The following NAMPT variants were observed in gnomAD, a reference collection of about 807,000 sequenced individuals.
NAMPT encodes nicotinamide phosphoribosyltransferase, also known as NAmPRTase.
Under a neutral mutation model 58.7 loss-of-function variants are expected in NAMPT, and 7 were observed. The ratio of observed to expected loss-of-function variants is 0.12; its 90% CI spans 0.07 to 0.22. The LOEUF (loss-of-function observed/expected upper bound fraction) is 0.22. NAMPT is among the 10% of genes least tolerant of loss of function. The pLI is 1.00. For missense variants in NAMPT, 271 were observed against 567.9 expected, an observed-to-expected ratio of 0.48 and a Z score of 5.31; for synonymous variants, 145 against 198.1, an observed-to-expected ratio of 0.73 and a Z score of 2.25.
chr7:106,256,968 C>G (rs183530600), intron 8 of NAMPT, among the ~76,000 whole-genome samples: 3 of 152,006 alleles, frequency 2.0e-5, no homozygotes, highest in South Asian at 2.1e-4. Context: ...CTGAGGTCAG[C>G]AGTTCGAGAC....
chr7:106,257,428 C>T (rs997124465), intron 8 of NAMPT, among the ~76,000 whole-genome samples: 1 of 143,966 alleles, frequency 6.9e-6, no homozygotes, highest in African/African-American at 2.6e-5. Flanking sequence ...GTTTCCCAGA[C>T]TGGGAAACAG....
Position 106,268,527 on chromosome 7 carries a change from A to T in NAMPT, c.680T>A (p.Ile227Asn). The change falls in exon 6 of 11, where the codon ATT (isoleucine) becomes AAT (asparagine). Residue 227 changes from isoleucine (I) to asparagine (N), a missense_variant. Ile to Asn is a moderately radical substitution (Grantham distance 149). This residue lies in a region of NAMPT where 143 missense variants were observed against 331.1 expected (regional missense o/e 0.43). Transcript: ENST00000222553. ...GTDTVAGLAL[I>N]KKYYGTKDPV... ...ATCTTTCGTTCCATAATATTTTTTA[A>T]TTAGAGCAAGTCCTGCTACTGTATC... 6.2e-7 allele frequency: 1 copy of T among 1,613,540 alleles called. No individual in the cohort carries two copies.
At chr7:106,275,991 T>G (rs1792630059) in intron 2 of NAMPT, 1 of 152,258 alleles carries the variant, frequency 6.6e-6, no homozygotes, top group South Asian at 2.1e-4. Flanking sequence ...ATTGCACCAC[T>G]GCACTCCAGC....
intron 3 of NAMPT, 101 bp downstream of exon 3, chr7:106,274,845 A>G (rs1792602966): frequency 1.3e-6 from 1 of 744,636 alleles, no homozygotes; most frequent in Admixed American, 2.5e-5. Flanking sequence ...ACAGAGTGAC[A>G]CTTTCTCTCA....
chr7:106,283,877 G>A (rs1486570213), intron 1 of NAMPT, among the ~76,000 whole-genome samples: 1 of 152,142 alleles, frequency 6.6e-6, no homozygotes, highest in Non-Finnish European at 1.5e-5. Flanking sequence ...AAAAACATGA[G>A]AGTACTATGT....
Position 106,261,303 on chromosome 7 carries a change from C to T in NAMPT, c.1089+285G>A, listed in dbSNP as rs1792296734. Among the ~76,000 whole-genome samples the T allele has an allele frequency of 2.0e-5, 3 of 152,088 alleles. No individual in the cohort carries two copies. In the South Asian group the frequency reaches 6.2e-4, roughly 32 times the overall value. On this transcript the variant is annotated intron_variant, in intron 8 of 10. Coordinates refer to ENST00000222553, the MANE Select transcript of NAMPT (RefSeq NM_005746.3). ...CAGAGTCAAGGCTTTGTTTTATATTCCAAGGAATATTTCTTGACTGACATT... is the reference window on the plus strand; with the variant it reads ...CAGAGTCAAGGCTTTGTTTTATATTTCAAGGAATATTTCTTGACTGACATT...
At chr7:106,262,966 C>A (rs1224136781) in intron 7 of NAMPT, among the ~76,000 whole-genome samples, 2 of 152,036 alleles carry the variant, frequency 1.3e-5, no homozygotes. Context: ...AGAACCTCCA[C>A]TTGAAGAGTA....
Position 106,263,104 on chromosome 7 carries a change from G to A in NAMPT, c.969+288C>T, listed in dbSNP as rs556892522. On this transcript the variant is annotated intron_variant, in intron 7 of 10. Transcript: ENST00000222553. ...AAATAAGTTTGGTGCCCAAATCATA[G>A]GATTAATTAAAATGGCAATGCTGTT... 2.1e-5 allele frequency: 8 copies of A among 381,774 alleles called. No individual in the cohort carries two copies. The South Asian group carries it at 3.2e-4, about 15-fold the overall frequency. The allele number at this position is 381,774 out of a possible 1,614,324, so 23.6% of individuals were successfully genotyped here. A position where few individuals can be genotyped will look rare whatever the true frequency, so the allele number is the denominator to read the frequency against.
In NAMPT at chr7:106,267,723, C is replaced by A. The variant is rs1792442012; in HGVS notation, c.743+741G>T. ...GGGCGTAGTGGCGGGCGCCTGTAGT[C>A]CCAGCTACTTGGGAGGCTGAGGCAG... On this transcript the variant is annotated intron_variant, in intron 6 of 10. Coordinates refer to ENST00000222553, the MANE Select transcript of NAMPT (RefSeq NM_005746.3). Among the ~76,000 whole-genome samples the A allele has an allele frequency of 2.0e-5, 3 of 148,518 alleles. No homozygotes were observed. In the South Asian group the frequency reaches 6.4e-4, roughly 32 times the overall value.
At chr7:106,274,617 G>A (rs1227343030) in intron 3 of NAMPT, among the ~76,000 whole-genome samples, 1 of 152,148 alleles carries the variant, frequency 6.6e-6, no homozygotes, top group African/African-American at 2.4e-5. Context: ...CACTTTGGGA[G>A]GCCAAGGTGG....
rs1792064274 is a variant in NAMPT at position 106,249,012 on chromosome 7, A to G, written c.*2071T>C. On this transcript the variant is annotated 3_prime_UTR_variant, in exon 11 of 11. Transcript: ENST00000222553. ...AGCTGCTGAAATTCACAGAACACAG[A>G]GAATACTGTCTGTACTATAATTTCA... 6.6e-6 allele frequency: 1 copy of G among 152,092 alleles called. No individual in the cohort carries two copies. The highest frequency in any genetic ancestry group is 2.4e-5 in the African/African-American group (1 of 41,438). 9.4% of individuals were successfully genotyped at this position (152,092 alleles called of 1,614,324 possible).
chr7:106,269,696 T>C (rs1056498206), intron 4 of NAMPT, among the ~76,000 whole-genome samples: 60 of 152,222 alleles, frequency 3.9e-4, no homozygotes, highest in Non-Finnish European at 1.0e-4. Context: ...GTTGAGGCAA[T>C]GTCAAATTGC....
Position 106,272,674 on chromosome 7 carries a change from G to A in NAMPT, c.319-16C>T. 1 of 1,610,956 alleles carries A rather than the reference G, an allele frequency of 6.2e-7. No individual in the cohort carries two copies. The highest frequency in any genetic ancestry group is 8.5e-7 in the Non-Finnish European group (1 of 1,177,970). ...CATCATACTTCTGGCAGGATAAAAT[G>A]ATAAATTTATTTATTCAACAGATGA... On this transcript the variant is annotated splice_polypyrimidine_tract_variant and intron_variant, in intron 3 of 10. Coordinates refer to ENST00000222553, the MANE Select transcript of NAMPT (RefSeq NM_005746.3).
Position 106,253,110 on chromosome 7 carries a change from C to T in NAMPT, c.1272G>A (p.Arg424=). ...GTAAAGATAATCGGCCCTTTTTGGACCTTTTGTTGGGATCAGCAACTGGGT... is the reference window on the plus strand; with the variant it reads ...GTAAAGATAATCGGCCCTTTTTGGATCTTTTGTTGGGATCAGCAACTGGGT... ...FKDPVADPNK[R]SKKGRLSLHR... is the part of the protein sequence containing the mutation. Residue 424 remains arginine (R), a synonymous_variant, in exon 10 of 11, where the codon AGG becomes AGA. Transcript: ENST00000222553. 1 of 1,613,192 alleles carries T rather than the reference C, an allele frequency of 6.2e-7. No individual in the cohort carries two copies. Among genetic ancestry groups the T allele is most frequent in the Non-Finnish European group, 8.5e-7 (1 of 1,179,414 alleles).
intron 6 of NAMPT, among the ~76,000 whole-genome samples, chr7:106,267,989 CG>C (rs1554352471): frequency 1.3e-5 from 2 of 150,554 alleles, no homozygotes; most frequent in Non-Finnish European, 2.9e-5. Context: ...GACAAGGAAG[CG>C]TAAAAAGAAT....
intron 2 of NAMPT, chr7:106,276,744 A>G (rs1792653312): frequency 3.2e-6 from 1 of 315,824 alleles, no homozygotes; most frequent in Non-Finnish European, 6.1e-6. Context: ...CGGGAGGCAG[A>G]GGCAGGAGAA....
chr7:106,256,559 A>G (rs912535835), intron 8 of NAMPT, among the ~76,000 whole-genome samples: 1 of 152,246 alleles, frequency 6.6e-6, no homozygotes, highest in African/African-American at 2.4e-5. Context: ...GATGGTCACA[A>G]ACATACAATG....
In NAMPT at chr7:106,248,606, G is replaced by A. The variant is rs1057171349; in HGVS notation, c.*2477C>T. 4 of 151,902 alleles carry A rather than the reference G, an allele frequency of 2.6e-5. No homozygotes were observed. Among genetic ancestry groups the A allele is most frequent in the African/African-American group, 9.7e-5 (4 of 41,332 alleles). The allele number at this position is 151,902 out of a possible 1,614,324, so 9.4% of individuals were successfully genotyped here. ...AAAAACATTTTACTTTAATTATAGGGTACAAATAAGAGTCTTAACACAGAA... is the reference window on the plus strand; with the variant it reads ...AAAAACATTTTACTTTAATTATAGGATACAAATAAGAGTCTTAACACAGAA... On this transcript the variant is annotated 3_prime_UTR_variant, in exon 11 of 11. Coordinates refer to ENST00000222553, the MANE Select transcript of NAMPT (RefSeq NM_005746.3).
At position 106,268,566 on chromosome 7, in the gene NAMPT, T is replaced by C; in HGVS notation, c.641A>G (p.Asn214Ser). The change falls in exon 6 of 11, where the codon AAC becomes AGC. Residue 214 changes from asparagine (N) to serine (S), a missense_variant. Around this residue, in one of 4 missense-constraint regions of NAMPT, gnomAD observed 143 missense variants for 331.1 expected, o/e 0.43. Coordinates refer to ENST00000222553, the MANE Select transcript of NAMPT (RefSeq NM_005746.3). ...TGCTACTGTATCTGTTCCTTTGAAG[T>C]TAACCAAGTGAGCAGATGCTCCTAT... ...AGIGASAHLV[N>S]FKGTDTVAGL... 6.2e-7 allele frequency: 1 copy of C among 1,611,772 alleles called. No homozygotes were observed. Among genetic ancestry groups the C allele is most frequent in the Non-Finnish European group, 8.5e-7 (1 of 1,177,860 alleles).
Sources: allele counts gnomAD v4.1 joint callset (sites outside exome capture counted in the v4.1 genomes callset), GRCh38; gene constraint gnomAD v4.1.1; regional missense constraint gnomAD v4.1.1; transcripts MANE v1.5; gene names NCBI Gene and HGNC (gene_info 2026-07-23, HGNC 2026-07-21).